The following PLCL1 variants were observed in gnomAD, a reference collection of about 807,000 sequenced individuals.
The protein encoded by PLCL1 is phospholipase C like 1 (inactive).
PLCL1 carries 41 observed loss-of-function variants against 84.4 expected under a neutral mutation model. That is an observed-to-expected ratio of 0.49 (90% confidence interval 0.38 to 0.63). PLCL1 has a LOEUF of 0.63. Ranked by LOEUF, PLCL1 falls within the 30% of genes least tolerant of loss-of-function variation. The pLI is 0.00. For synonymous variants in PLCL1, 490 were observed against 488.3 expected, an observed-to-expected ratio of 1.00 and a Z score of -0.05; for missense variants, 1,206 against 1,367.8, an observed-to-expected ratio of 0.88 and a Z score of 1.87.
At position 198,063,771 on chromosome 2, in the gene PLCL1, A is replaced by G. The variant is rs372784752; in HGVS notation, c.241-19987A>G. ...TATTTAAATTTGTATACTGTGTTCC[A>G]TCAGCTTTTCATGGGAAGTATTTTT... is the stretch of plus-strand genomic sequence containing the variant. On this transcript the variant is annotated intron_variant, in intron 1 of 5. Coordinates refer to ENST00000428675, the MANE Select transcript of PLCL1 (RefSeq NM_006226.4). Among the ~76,000 whole-genome samples, 16 of 152,336 alleles carry G rather than the reference A, an allele frequency of 1.1e-4. 1 individual carries two copies. The highest frequency in any genetic ancestry group is 3.8e-4 in the African/African-American group (16 of 41,582).
intron 1 of PLCL1, among the ~76,000 whole-genome samples, chr2:197,917,098 C>T (rs1688613407): frequency 1.3e-5 from 2 of 152,212 alleles, no homozygotes. Context: ...GATAGTTTGA[C>T]AGTTTCCTAC....
intron 1 of PLCL1, among the ~76,000 whole-genome samples, chr2:198,077,392 T>C (rs911705180): frequency 6.6e-6 from 1 of 152,218 alleles, no homozygotes; most frequent in Non-Finnish European, 1.5e-5. Context: ...CTTGCCCAAG[T>C]TAGCAGTAAC....
chr2:197,856,041 G>T (rs1414541363), intron 1 of PLCL1, among the ~76,000 whole-genome samples: 1 of 152,132 alleles, frequency 6.6e-6, no homozygotes, highest in Non-Finnish European at 1.5e-5. Flanking sequence ...ACCAAATTTT[G>T]TCTCACTGCA....
intron 1 of PLCL1, among the ~76,000 whole-genome samples, chr2:197,910,879 T>C (rs1036335445): frequency 8.5e-5 from 13 of 152,184 alleles, no homozygotes; most frequent in Non-Finnish European, 1.5e-4. Flanking sequence ...TATTGTTCTA[T>C]AAAATGTAAG....
chr2:198,104,825 T>C (rs1693434724), intron 5 of PLCL1, among the ~76,000 whole-genome samples: 1 of 152,094 alleles, frequency 6.6e-6, no homozygotes, highest in Admixed American at 6.6e-5. Context: ...CGCGTATATG[T>C]CTTCTTTTGA....
chr2:198,036,192 CT>C (rs1211952491), intron 1 of PLCL1, among the ~76,000 whole-genome samples: 2 of 152,160 alleles, frequency 1.3e-5, no homozygotes, highest in African/African-American at 4.8e-5. Flanking sequence ...CAGTGCACAG[CT>C]TTTAGCACAC....
intron 1 of PLCL1, among the ~76,000 whole-genome samples, chr2:197,897,711 T>A (rs1688183079): frequency 6.6e-6 from 1 of 152,212 alleles, no homozygotes; most frequent in Non-Finnish European, 1.5e-5. Flanking sequence ...TGAATATGCA[T>A]TAAAGGATTT....
At chr2:197,838,511 G>T (rs1319537578) in intron 1 of PLCL1, among the ~76,000 whole-genome samples, 3 of 152,126 alleles carry the variant, frequency 2.0e-5, no homozygotes, top group Admixed American at 2.0e-4. Flanking sequence ...AACTTGAAAA[G>T]TACTGGATCA....
At chr2:198,038,844 CAAAAAAA>C (rs11299150) in intron 1 of PLCL1, among the ~76,000 whole-genome samples, 1 of 120,422 alleles carries the variant, frequency 8.3e-6, no homozygotes, top group South Asian at 2.7e-4. Flanking sequence ...CATTAAAGGT[CAAAAAAA>C]AAAAAAAAAG....
chr2:198,099,978 A>C (rs1436253732), intron 3 of PLCL1, among the ~76,000 whole-genome samples: 2 of 152,194 alleles, frequency 1.3e-5, no homozygotes, highest in Non-Finnish European at 2.9e-5. Context: ...ATACAAAATT[A>C]CAGAAAAATG....
chr2:198,071,743 A>G (rs1692469955), intron 1 of PLCL1, among the ~76,000 whole-genome samples: 1 of 151,870 alleles, frequency 6.6e-6, no homozygotes, highest in Non-Finnish European at 1.5e-5. Flanking sequence ...TATATGGTCA[A>G]ATCTATCAAT....
intron 1 of PLCL1, among the ~76,000 whole-genome samples, chr2:198,051,262 TGAGA>T (rs1691922947): frequency 6.6e-6 from 1 of 152,074 alleles, no homozygotes; most frequent in Non-Finnish European, 1.5e-5. Context: ...TATAGAGGAT[TGAGA>T]AAAAAACTTT....
At chr2:197,997,297 C>T (rs753651813) in intron 1 of PLCL1, among the ~76,000 whole-genome samples, 32 of 152,346 alleles carry the variant, frequency 2.1e-4, no homozygotes, top group Middle Eastern at 3.4e-3. Flanking sequence ...CTGTCTTTTG[C>T]TTGCTATCCT....
At chr2:198,130,709 A>T (rs980492306) in intron 5 of PLCL1, among the ~76,000 whole-genome samples, 1 of 152,072 alleles carries the variant, frequency 6.6e-6, no homozygotes, top group Non-Finnish European at 1.5e-5. Context: ...CCTGGGGGTT[A>T]TCCTTGATCC....
intron 1 of PLCL1, among the ~76,000 whole-genome samples, chr2:198,009,736 A>G (rs938211606): frequency 7.9e-5 from 12 of 151,994 alleles, no homozygotes; most frequent in Non-Finnish European, 1.3e-4. Flanking sequence ...GAATTTTTAT[A>G]GAGTTTGCAT....
chr2:197,986,548 C>T (rs1690222709), intron 1 of PLCL1, among the ~76,000 whole-genome samples: 1 of 152,078 alleles, frequency 6.6e-6, no homozygotes, highest in Non-Finnish European at 1.5e-5. Context: ...TGGAGTCTTA[C>T]TATGTCGCCA....
In PLCL1 at chr2:198,020,661, A is replaced by C. The variant is rs1177960309; in HGVS notation, c.241-63097A>C. ...CAAAAAAGAAAAAGAAGGGCATTAC[A>C]TAATGGTAAAGGGATCAATGCAACA... On this transcript the variant is annotated intron_variant, in intron 1 of 5. Transcript: ENST00000428675. Among the ~76,000 whole-genome samples, 3 of 152,224 alleles carry C rather than the reference A, an allele frequency of 2.0e-5. No homozygotes were observed. The East Asian group carries it at 5.8e-4, about 29-fold the overall frequency.
chr2:197,942,832 A>T (rs1689186915), intron 1 of PLCL1, among the ~76,000 whole-genome samples: 1 of 152,184 alleles, frequency 6.6e-6, no homozygotes, highest in Non-Finnish European at 1.5e-5. Flanking sequence ...GAATAATCAA[A>T]GTTTATTGCA....
At chr2:198,063,629 G>A (rs1174574054) in intron 1 of PLCL1, among the ~76,000 whole-genome samples, 2 of 152,160 alleles carry the variant, frequency 1.3e-5, no homozygotes, top group East Asian at 3.8e-4. Flanking sequence ...TGTTTTTCAT[G>A]TCAGTGAGGA....
Sources: gnomAD v4.1 joint callset for allele counts (sites outside exome capture counted in the v4.1 genomes callset) on GRCh38, gnomAD v4.1.1 for gene constraint, MANE v1.5 for transcripts, NCBI Gene and HGNC (gene_info 2026-07-23, HGNC 2026-07-21) for gene names.